The following VCL variants were observed in gnomAD, a reference collection of about 807,000 sequenced individuals.
VCL encodes the protein epididymis luminal protein 114.
Under a neutral mutation model 125.7 loss-of-function variants are expected in VCL, and 47 were observed. The ratio of observed to expected loss-of-function variants is 0.37; its 90% CI spans 0.30 to 0.48. The LOEUF (loss-of-function observed/expected upper bound fraction) is 0.48. VCL is among the 20% of genes least tolerant of loss of function. The probability of loss-of-function intolerance (pLI) is 0.99; values close to 1 mark genes in which losing one functional copy is unlikely to be tolerated. For synonymous variants in VCL, 458 were observed against 514.6 expected (o/e 0.89, Z 1.49); for missense variants, 1,069 against 1,455.5 (o/e 0.73, Z 4.32).
chr10:74,074,626 T>A (rs896016876), intron 5 of VCL, 117 bp from the exon 6 acceptor site: 100 of 1,122,468 alleles, frequency 8.9e-5, no homozygotes, highest in Non-Finnish European at 1.2e-4. Context: ...TTGTTTTGTA[T>A]ACTCATTTTA....
intron 1 of VCL, among the ~76,000 whole-genome samples, chr10:74,009,988 GATCTC>G (rs903838820): frequency 2.6e-5 from 4 of 151,636 alleles, no homozygotes; most frequent in Non-Finnish European, 5.9e-5. Context: ...GCAGTGGTGA[GATCTC>G]AGCTCACTGC....
chr10:74,049,197 T>G (rs1044215733), intron 2 of VCL, among the ~76,000 whole-genome samples: 1 of 152,200 alleles, frequency 6.6e-6, no homozygotes, highest in Non-Finnish European at 1.5e-5. Context: ...TTCCTTCTCA[T>G]TATGTTTTTT....
intron 8 of VCL, among the ~76,000 whole-genome samples, chr10:74,085,281 C>T (rs997599549): frequency 6.6e-6 from 1 of 152,140 alleles, no homozygotes; most frequent in Non-Finnish European, 1.5e-5. Flanking sequence ...TTCTAATTTA[C>T]TAGCCATAGG....
chr10:74,061,628 C>T (rs1841480730), intron 2 of VCL, among the ~76,000 whole-genome samples: 1 of 152,198 alleles, frequency 6.6e-6, no homozygotes, highest in Non-Finnish European at 1.5e-5. Context: ...CCACTACCTT[C>T]TCTCCTTTGG....
intron 1 of VCL, among the ~76,000 whole-genome samples, chr10:73,999,441 C>T (rs1840184190): frequency 6.6e-6 from 1 of 152,190 alleles, no homozygotes; most frequent in African/African-American, 2.4e-5. Flanking sequence ...CCAAGACTCC[C>T]CTGGCTAATG....
intron 6 of VCL, chr10:74,075,121 G>A (rs1839560829): frequency 8.7e-6 from 5 of 572,730 alleles, no homozygotes; most frequent in Admixed American, 3.1e-5. Context: ...AGGCATGTGG[G>A]GTAGATACTG....
rs201143893 is a variant in VCL, at chr10:74,069,878, T to A, written c.240-792T>A. Among the ~76,000 whole-genome samples, 7 of 152,300 alleles carry A rather than the reference T, an allele frequency of 4.6e-5. No homozygotes were observed. In the East Asian group the frequency reaches 1.3e-3, roughly 29 times the overall value. On this transcript the variant is annotated intron_variant, in intron 2 of 21. Transcript: ENST00000211998. ...AATGAATCCCCCGCCCAGCTCCCCT[T>A]CCACCACTCAACCTTTGGCTGATCT... is the stretch of plus-strand genomic sequence containing the variant.
chr10:74,065,641 C>T lies in VCL; in HGVS notation c.240-5029C>T, dbSNP rs183582701. Reference sequence around the variant, plus strand: ...GAGGCTGCAGTGAGCCATGATTATACCACTGCACCTGCCGCCTGGGCAACA... The same window carrying T: ...GAGGCTGCAGTGAGCCATGATTATATCACTGCACCTGCCGCCTGGGCAACA... On this transcript the variant is annotated intron_variant, in intron 2 of 21. Coordinates refer to ENST00000211998, the MANE Select transcript of VCL (RefSeq NM_014000.3). 2.6e-3 allele frequency among the ~76,000 whole-genome samples: 400 copies of T among 151,484 alleles called. 3 individuals carry two copies. Among genetic ancestry groups the T allele is most frequent in the African/African-American group, 9.4e-3 (386 of 41,184 alleles).
chr10:74,034,303 TC>T (rs1274555039), intron 1 of VCL, among the ~76,000 whole-genome samples: 1 of 152,158 alleles, frequency 6.6e-6, no homozygotes, highest in African/African-American at 2.4e-5. Context: ...CAATTTCCTG[TC>T]CTCTCCACAT....
chr10:74,020,439 C>T (rs894095327), intron 1 of VCL, among the ~76,000 whole-genome samples: 1 of 152,026 alleles, frequency 6.6e-6, no homozygotes, highest in African/African-American at 2.4e-5. Flanking sequence ...GAAGTGAGAG[C>T]TCAAAGGATG....
Position 74,043,064 on chromosome 10 carries a change from A to ATT in VCL, c.169-12_169-11dup. 6.2e-7 allele frequency: 1 copy of ATT among 1,606,778 alleles called. No homozygotes were observed. Among genetic ancestry groups the ATT allele is most frequent in the Non-Finnish European group, 8.5e-7 (1 of 1,174,274 alleles). On this transcript the variant is annotated intron_variant, in intron 1 of 21. Transcript: ENST00000211998. Reference sequence around the variant, plus strand: ...TCTGAGAATTTATATTTGAATTATGATTTTTTTTCCTCTTGTAGGTTGGAA... The same window carrying ATT: ...TCTGAGAATTTATATTTGAATTATGATTTTTTTTTTCCTCTTGTAGGTTGGAA...
chr10:74,052,452 C>T (rs1841318874), intron 2 of VCL, among the ~76,000 whole-genome samples: 1 of 147,016 alleles, frequency 6.8e-6, no homozygotes, highest in African/African-American at 2.5e-5. Context: ...TCTCAGCTCA[C>T]TGCAACCTCC....
At chr10:74,086,118 C>T (rs1052626885) in intron 8 of VCL, among the ~76,000 whole-genome samples, 4 of 152,160 alleles carry the variant, frequency 2.6e-5, no homozygotes, top group East Asian at 3.9e-4. Context: ...CCGCCTGCTG[C>T]GGCCTCCCAA....
intron 9 of VCL, 75 bp from the exon 10 acceptor site, chr10:74,089,948 C>A: frequency 6.4e-7 from 1 of 1,553,536 alleles, no homozygotes; most frequent in Non-Finnish European, 8.9e-7. Flanking sequence ...AATCCTTCTT[C>A]TGGCCTTGTT....
chr10:74,029,349 A>G (rs1011165697), intron 1 of VCL, among the ~76,000 whole-genome samples: 5 of 142,432 alleles, frequency 3.5e-5, no homozygotes, highest in Admixed American at 6.9e-5. Context: ...TTCTGACCTC[A>G]TGATCCCCCT....
At chr10:74,065,059 A>G (rs1841545011) in intron 2 of VCL, among the ~76,000 whole-genome samples, 1 of 152,136 alleles carries the variant, frequency 6.6e-6, no homozygotes, top group South Asian at 2.1e-4. Flanking sequence ...TGAAACAAAC[A>G]AACAAACAAT....
At chr10:74,104,771 C>T (rs901738251) in intron 15 of VCL, among the ~76,000 whole-genome samples, 12 of 152,084 alleles carry the variant, frequency 7.9e-5, no homozygotes, top group Middle Eastern at 3.2e-3. Flanking sequence ...TGTTTCCTCC[C>T]GATGTTGCAT....
At chr10:74,087,659 C>T (rs1376990800) in intron 8 of VCL, among the ~76,000 whole-genome samples, 2 of 150,822 alleles carry the variant, frequency 1.3e-5, no homozygotes, top group African/African-American at 2.4e-5. Flanking sequence ...CGCGCCTGGC[C>T]GAAAACCAGA....
intron 1 of VCL, among the ~76,000 whole-genome samples, chr10:74,003,218 A>G (rs1238595668): frequency 6.6e-6 from 1 of 152,038 alleles, no homozygotes; most frequent in Non-Finnish European, 1.5e-5. Context: ...GATTACAGGC[A>G]TGTACCACTT....
Sources: gnomAD v4.1 joint callset for allele counts (sites outside exome capture counted in the v4.1 genomes callset) on GRCh38, gnomAD v4.1.1 for gene constraint, MANE v1.5 for transcripts, NCBI Gene and HGNC (gene_info 2026-07-23, HGNC 2026-07-21) for gene names.